The following MORC3 variants were observed in gnomAD, a reference collection of about 807,000 sequenced individuals.
MORC3 encodes MORC family CW-type zinc finger protein 3.
MORC3 carries 31 observed loss-of-function variants against 109.1 expected under a neutral mutation model. The observed-to-expected ratio is 0.28, with a 90% confidence interval of 0.21 to 0.38. The LOEUF (loss-of-function observed/expected upper bound fraction) is 0.38, where lower values mean the gene tolerates loss of function less well. Among genes scored for constraint, MORC3 ranks in the 10% least tolerant of loss-of-function variants. The probability of loss-of-function intolerance (pLI) is 1.00; values close to 1 mark genes in which losing one functional copy is unlikely to be tolerated. For missense variants in MORC3, 867 were observed against 1,135.8 expected (o/e 0.76, Z 3.40); for synonymous variants, 395 against 380.7 (o/e 1.04, Z -0.44).
At chr21:36,364,773 C>A (rs887389139) in intron 14 of MORC3, among the ~76,000 whole-genome samples, 2 of 151,818 alleles carry the variant, frequency 1.3e-5, no homozygotes, top group Non-Finnish European at 2.9e-5. Flanking sequence ...TGAAGCAGCC[C>A]GGGCGCGGTG....
At chr21:36,364,658 G>C (rs1236548808) in intron 14 of MORC3, among the ~76,000 whole-genome samples, 2 of 151,174 alleles carry the variant, frequency 1.3e-5, no homozygotes, top group East Asian at 3.9e-4. Context: ...AAAAAAAAAA[G>C]CATTAATTGT....
intron 8 of MORC3, chr21:36,347,809 G>T (rs1421938386): frequency 6.6e-6 from 1 of 152,218 alleles, no homozygotes; most frequent in African/African-American, 2.4e-5. Context: ...AGGCTTCTGA[G>T]AGTATGACAT....
At position 36,369,641 on chromosome 21, in the gene MORC3, GTAT is replaced by G. The variant is rs766839652; in HGVS notation, c.2276_2278del (p.Ile759del). The G allele has an allele frequency of 1.2e-6, 2 of 1,614,226 alleles. No individual in the cohort carries two copies. The highest frequency in any genetic ancestry group is 3.3e-5 in the Admixed American group (2 of 60,022). On this transcript the variant is annotated inframe_deletion, in exon 15 of 17. Transcript: ENST00000400485. ...ACCGATGCTGTATTTTTACTTGAAA[GTAT>G]TAATGGCAAATCTGAAAGTCCAGAC... is the stretch of plus-strand genomic sequence containing the variant.
chr21:36,375,061 A>C (rs984827665), intron 16 of MORC3, 82 bp from the exon 17 acceptor site: 18 of 1,359,886 alleles, frequency 1.3e-5, no homozygotes, highest in Non-Finnish European at 1.8e-5. Context: ...CGGAGATTTG[A>C]TTTTGATATT....
chr21:36,336,769 G>A (rs2085380061), intron 2 of MORC3, 105 bp from the exon 3 acceptor site: 5 of 1,159,166 alleles, frequency 4.3e-6, no homozygotes, highest in Admixed American at 3.1e-5. Context: ...AGCTTTTAAA[G>A]TTGTCTTAAA....
At chr21:36,338,969 G>A (rs1221184695) in intron 5 of MORC3, 48 bp downstream of exon 5, 1 of 1,590,590 alleles carries the variant, frequency 6.3e-7, no homozygotes, top group African/African-American at 1.3e-5. Context: ...AAGTGCACGT[G>A]CAGGGTGGTG....
chr21:36,338,604 A>G (rs760309249), intron 4 of MORC3, among the ~76,000 whole-genome samples, 170 bp from the exon 5 acceptor site: 1 of 151,964 alleles, frequency 6.6e-6, no homozygotes, highest in East Asian at 1.9e-4. Context: ...AGCCCTGATC[A>G]TGTTACTGCA....
At chr21:36,334,705 C>A (rs2085355506) in intron 2 of MORC3, among the ~76,000 whole-genome samples, 1 of 152,164 alleles carries the variant, frequency 6.6e-6, no homozygotes, top group African/African-American at 2.4e-5. Flanking sequence ...GTAATAAGTT[C>A]TTGCTTCTTT....
chr21:36,348,319 G>GC (rs2085534118), intron 8 of MORC3: 1 of 152,166 alleles, frequency 6.6e-6, no homozygotes, highest in Admixed American at 6.5e-5. Flanking sequence ...CAGAGCCTTT[G>GC]CTAGTCACTA....
Position 36,364,246 on chromosome 21 carries a change from C to T in MORC3, c.1606C>T (p.Pro536Ser). 6.2e-7 allele frequency: 1 copy of T among 1,614,018 alleles called. No individual in the cohort carries two copies. Among genetic ancestry groups the T allele is most frequent in the Non-Finnish European group, 8.5e-7 (1 of 1,179,978 alleles). ...NNHQVPPQSEPESNSLKRRLS... is the reference protein window; with the variant it reads ...NNHQVPPQSESESNSLKRRLS... ...TCATCAAGTTCCACCTCAGTCTGAA[C>T]CTGAGAGCAACAGGTCAGTGGCTAA... is the stretch of plus-strand genomic sequence containing the variant. The change falls in exon 14 of 17, where the codon CCT becomes TCT. Residue 536 changes from proline to serine, a missense_variant. By Grantham distance (74) the Pro-to-Ser change is moderately conservative. Around this residue, in one of 7 missense-constraint regions of MORC3, gnomAD observed 486 missense variants for 502.1 expected, o/e 0.97. Transcript: ENST00000400485.
chr21:36,358,119 A>G (rs985428376), intron 10 of MORC3, among the ~76,000 whole-genome samples: 6 of 151,960 alleles, frequency 3.9e-5, no homozygotes, highest in Non-Finnish European at 8.8e-5. Flanking sequence ...GTTGGATCAC[A>G]TCTGTAATCC....
chr21:36,372,176 C>T (rs2085877273), intron 15 of MORC3, among the ~76,000 whole-genome samples, 198 bp from the exon 16 acceptor site: 1 of 151,962 alleles, frequency 6.6e-6, no homozygotes, highest in African/African-American at 2.4e-5. Context: ...TGTATTCTCT[C>T]AGTGTAAAAA....
intron 16 of MORC3, among the ~76,000 whole-genome samples, chr21:36,374,328 CG>C (rs1433696562): frequency 6.6e-6 from 1 of 151,986 alleles, no homozygotes; most frequent in Non-Finnish European, 1.5e-5. Flanking sequence ...TGACCTCAGG[CG>C]ATCTGCCCGC....
At chr21:36,374,115 A>T (rs2085902116) in intron 16 of MORC3, among the ~76,000 whole-genome samples, 1 of 152,036 alleles carries the variant, frequency 6.6e-6, no homozygotes, top group African/African-American at 2.4e-5. Context: ...TTGGAGACAG[A>T]GTCTTGATCT....
At chr21:36,322,531 C>A (rs1401036751) in intron 1 of MORC3, among the ~76,000 whole-genome samples, 1 of 151,998 alleles carries the variant, frequency 6.6e-6, no homozygotes, top group Non-Finnish European at 1.5e-5. Flanking sequence ...GCCACCACAC[C>A]CGGCTAATTT....
chr21:36,336,359 T>G (rs916498485), intron 2 of MORC3, among the ~76,000 whole-genome samples: 3 of 151,732 alleles, frequency 2.0e-5, no homozygotes, highest in Non-Finnish European at 4.4e-5. Flanking sequence ...TCTCCTGTCT[T>G]AGCCTCTGGA....
rs377511318 is a variant in MORC3, at chr21:36,359,217, T to C, written c.1209-738T>C. Reference sequence around the variant, plus strand: ...GCAAGGCATTTGAAATATTAAGTTATAGAAAAAATTTAATGCTATTAAGAC... The same window carrying C: ...GCAAGGCATTTGAAATATTAAGTTACAGAAAAAATTTAATGCTATTAAGAC... On this transcript the variant is annotated intron_variant, in intron 10 of 16. Transcript: ENST00000400485. Among the ~76,000 whole-genome samples, 12 of 152,326 alleles carry C rather than the reference T, an allele frequency of 7.9e-5. No homozygotes were observed. The East Asian group carries it at 1.3e-3, about 17-fold the overall frequency.
intron 9 of MORC3, among the ~76,000 whole-genome samples, chr21:36,352,112 A>G (rs2085579455): frequency 6.6e-6 from 1 of 152,240 alleles, no homozygotes; most frequent in Non-Finnish European, 1.5e-5. Context: ...GTTTTAATGT[A>G]AGAAATGAGT....
At chr21:36,356,411 A>G (rs979548163) in intron 9 of MORC3, among the ~76,000 whole-genome samples, 3 of 152,154 alleles carry the variant, frequency 2.0e-5, no homozygotes, top group Non-Finnish European at 2.9e-5. Flanking sequence ...ATAACTCTCT[A>G]AAAAATTTTC....
Sources: allele counts gnomAD v4.1 joint callset (sites outside exome capture counted in the v4.1 genomes callset), GRCh38; gene constraint gnomAD v4.1.1; regional missense constraint gnomAD v4.1.1; transcripts MANE v1.5; gene names NCBI Gene and HGNC (gene_info 2026-07-23, HGNC 2026-07-21).